LAMA3: variants seen among roughly 807,000 people sequenced by gnomAD.
The protein encoded by LAMA3 is laminin subunit alpha 3.
A neutral mutation model predicts 402.0 loss-of-function variants in LAMA3; 281 were observed. The observed-to-expected ratio is 0.70, with a 90% CI of 0.63 to 0.77. LAMA3 has a LOEUF of 0.77. LAMA3 is among the 30% of genes least tolerant of loss of function. The pLI, the probability that LAMA3 is intolerant of heterozygous loss-of-function variation, is 0.00. For synonymous variants in LAMA3, 1,431 were observed against 1,558.4 expected (o/e 0.92, Z 1.93); for missense variants, 3,840 against 4,215.5 (o/e 0.91, Z 2.47).
intron 2 of LAMA3, among the ~76,000 whole-genome samples, chr18:23,730,962 G>T (rs570112698): frequency 2.6e-5 from 4 of 152,168 alleles, no homozygotes; most frequent in Admixed American, 2.6e-4. Context: ...TATTTCTTGG[G>T]TTTTTTCTAA....
At chr18:23,777,329 G>A (rs140739791) in intron 10 of LAMA3, among the ~76,000 whole-genome samples, 3 of 151,988 alleles carry the variant, frequency 2.0e-5, no homozygotes, top group Non-Finnish European at 4.4e-5. Context: ...TTGTGAGCAC[G>A]AAACATTCAT....
intron 35 of LAMA3, 35 bp from the exon 36 acceptor site, chr18:23,864,750 T>C: frequency 7.6e-7 from 1 of 1,321,000 alleles, no homozygotes; most frequent in Non-Finnish European, 1.1e-6. Context: ...TCTCTTTTAA[T>C]GCTTGTGCTA....
At chr18:23,924,212 C>T (rs1336393756) in intron 62 of LAMA3, among the ~76,000 whole-genome samples, 6 of 152,106 alleles carry the variant, frequency 3.9e-5, no homozygotes, top group South Asian at 2.1e-4. Context: ...AGTTCAGTGG[C>T]GCCATCTTGG....
chr18:23,756,195 A>G (rs1011461732), intron 6 of LAMA3, among the ~76,000 whole-genome samples: 2 of 152,038 alleles, frequency 1.3e-5, no homozygotes, highest in African/African-American at 4.8e-5. Flanking sequence ...GAGAGGGATG[A>G]CACCCTCTCT....
intron 58 of LAMA3, 24 bp downstream of exon 58, chr18:23,914,884 G>T (rs773001923): frequency 1.3e-6 from 2 of 1,560,904 alleles, no homozygotes; most frequent in African/African-American, 2.7e-5. Flanking sequence ...TTATTTCACT[G>T]AATTAAATAT....
intron 38 of LAMA3, among the ~76,000 whole-genome samples, chr18:23,874,445 T>G (rs1180320229): frequency 3.3e-5 from 5 of 152,258 alleles, no homozygotes; most frequent in Non-Finnish European, 7.3e-5. Context: ...CATAATCTAT[T>G]TATTTGCAAT....
At chr18:23,948,014 G>A (rs935141634) in intron 70 of LAMA3, among the ~76,000 whole-genome samples, 6 of 152,030 alleles carry the variant, frequency 3.9e-5, no homozygotes, top group Non-Finnish European at 7.4e-5. Flanking sequence ...GGGTTTCACC[G>A]TGTTAGCCAG....
chr18:23,701,839 C>T (rs1233808854), intron 1 of LAMA3, among the ~76,000 whole-genome samples: 2 of 152,100 alleles, frequency 1.3e-5, no homozygotes, highest in Non-Finnish European at 2.9e-5. Flanking sequence ...CCTGGGAGAG[C>T]GAACAGCATG....
chr18:23,747,892 C>A, intron 2 of LAMA3, 51 bp from the exon 3 acceptor site: 1 of 1,022,846 alleles, frequency 9.8e-7, no homozygotes, highest in Non-Finnish European at 1.6e-6. Flanking sequence ...ATGGTAGAAG[C>A]TGTGAATCGA....
chr18:23,777,599 C>T lies in LAMA3; in HGVS notation c.1448C>T (p.Pro483Leu). 1 of 1,611,762 alleles carries T rather than the reference C, an allele frequency of 6.2e-7. No individual in the cohort carries two copies. The highest frequency in any genetic ancestry group is 8.5e-7 in the Non-Finnish European group (1 of 1,177,830). ...FPVSTPSSED[P>L]VAGDIKGCDC... ...GTTTCTACACCAAGTTCAGAAGATC[C>T]AGTAGCTGGAGATATAAAAGGCAAG... The change falls in exon 11 of 75, where the codon CCA becomes CTA. Residue 483 changes from proline (P) to leucine (L), a missense_variant. Physicochemically the swap from Pro to Leu is moderately conservative, Grantham distance 98. Coordinates refer to ENST00000313654, the MANE Select transcript of LAMA3 (RefSeq NM_198129.4).
At chr18:23,771,935 A>G (rs2062206992) in intron 8 of LAMA3, among the ~76,000 whole-genome samples, 1 of 152,164 alleles carries the variant, frequency 6.6e-6, no homozygotes, top group African/African-American at 2.4e-5. Flanking sequence ...CTTAACTAAG[A>G]TTGAAGATTA....
Position 23,814,507 on chromosome 18 carries a change from G to T in LAMA3, c.1888+5G>T, listed in dbSNP as rs529493029. On this transcript the variant is annotated splice_donor_5th_base_variant and intron_variant, in intron 15 of 74. Transcript: ENST00000313654. ...AAAACCCCAGTGGATGTTCAGGTAG[G>T]TTTCTTATATGTCATAATTTACTAT... 6.3e-7 allele frequency: 1 copy of T among 1,575,704 alleles called. No homozygotes were observed. The highest frequency in any genetic ancestry group is 1.1e-5 in the South Asian group (1 of 90,282).
intron 65 of LAMA3, chr18:23,931,441 G>C: frequency 2.1e-6 from 1 of 487,392 alleles, no homozygotes; most frequent in Non-Finnish European, 3.7e-6. Flanking sequence ...AGGGTTGCTT[G>C]AGGCCAAGAG....
At chr18:23,766,836 CAAAG>C (rs2062085666) in intron 8 of LAMA3, among the ~76,000 whole-genome samples, 1 of 136,860 alleles carries the variant, frequency 7.3e-6, no homozygotes. Flanking sequence ...AAGACTGTCT[CAAAG>C]AAAAAAAAAA....
At position 23,845,187 on chromosome 18, in the gene LAMA3, C is replaced by T. The variant is rs147024052; in HGVS notation, c.3719+63C>T. The T allele has an allele frequency of 4.3e-3, 4,185 of 974,652 alleles. 19 individuals are homozygous for T. Among genetic ancestry groups the T allele is most frequent in the Non-Finnish European group, 5.2e-3 (3,101 of 601,784 alleles). 60.4% of individuals were successfully genotyped at this position (974,652 alleles called of 1,614,324 possible). On this transcript the variant is annotated intron_variant, in intron 30 of 74. Coordinates refer to ENST00000313654, the MANE Select transcript of LAMA3 (RefSeq NM_198129.4). ...GGCACTCCCACATTCCTGACCAGCT[C>T]GAGGCCCAGGGAGGGGCTGGCCCAT...
chr18:23,918,837 G>A lies in LAMA3; in HGVS notation c.7924-2098G>A, dbSNP rs2081733600. Among the ~76,000 whole-genome samples, 1 of 152,124 alleles carries A rather than the reference G, an allele frequency of 6.6e-6. No homozygotes were observed. The highest frequency in any genetic ancestry group is 2.4e-5 in the African/African-American group (1 of 41,420). ...TTACCAGAGTCTTCTACCGCAGGGT[G>A]GTGACACTGACCCGGTCCAACTCTC... On this transcript the variant is annotated intron_variant, in intron 60 of 74. Transcript: ENST00000313654. This position sits in a 1 kb window ranked among gnomAD's most constrained non-coding sequence, Gnocchi z 4.1.
rs2145105035 is a variant in LAMA3 at position 23,899,331 on chromosome 18, C to T, written c.5880C>T (p.Asn1960=). The T allele has an allele frequency of 1.1e-5, 18 of 1,613,840 alleles. No homozygotes were observed. The highest frequency in any genetic ancestry group is 1.4e-5 in the Non-Finnish European group (17 of 1,179,958). The change falls in exon 47 of 75, where the codon AAC becomes AAT. Residue 1960 remains asparagine, a synonymous_variant. Coordinates refer to ENST00000313654, the MANE Select transcript of LAMA3 (RefSeq NM_198129.4). ...CTGGGACAGATGGAGAGGGAAACAA[C>T]GTGCCTTCAGGTGACTTTTCCAGAG... ...QISGTDGEGN[N]VPSGDFSREW...
chr18:23,836,423 C>A (rs2063582861), intron 24 of LAMA3, among the ~76,000 whole-genome samples: 1 of 152,104 alleles, frequency 6.6e-6, no homozygotes, highest in African/African-American at 2.4e-5. Context: ...TTATTTGGTT[C>A]AAAACTGTGA....
chr18:23,755,200 G>A (rs985491594), intron 6 of LAMA3, among the ~76,000 whole-genome samples: 4 of 152,180 alleles, frequency 2.6e-5, no homozygotes, highest in African/African-American at 9.7e-5. Flanking sequence ...CCTGAGCCTG[G>A]AACAAAATAC....
Sources: gnomAD v4.1 joint callset for allele counts (sites outside exome capture counted in the v4.1 genomes callset) on GRCh38, gnomAD v4.1.1 for gene constraint, Gnocchi (gnomAD v3.1) non-coding constraint, MANE v1.5 for transcripts, NCBI Gene and HGNC (gene_info 2026-07-23, HGNC 2026-07-21) for gene names.